VRK2: variants seen among roughly 807,000 people sequenced by gnomAD.
VRK2 encodes the protein serine/threonine-protein kinase VRK2.
A neutral mutation model predicts 57.6 loss-of-function variants in VRK2; 60 were observed. The ratio of observed to expected loss-of-function variants is 1.04; its 90% confidence interval spans 0.85 to 1.29. The LOEUF is 1.29. VRK2 is among the 50% of genes most tolerant of loss of function. VRK2 has a pLI of 0.00. For synonymous variants in VRK2, 231 were observed against 199.2 expected, an observed-to-expected ratio of 1.16 and a Z score of -1.35; for missense variants, 705 against 588.1, an observed-to-expected ratio of 1.20 and a Z score of -2.06.
intron 1 of VRK2, among the ~76,000 whole-genome samples, chr2:57,946,512 CT>C (rs1671266506): frequency 6.6e-6 from 1 of 151,978 alleles, no homozygotes; most frequent in South Asian, 2.1e-4. Context: ...TTTAAAGAGT[CT>C]TTAAGATTAC....
Position 58,007,029 on chromosome 2 carries a change from TC to T in VRK2, c.-438-18632del, listed in dbSNP as rs563970212. On this transcript the variant is annotated intron_variant, in intron 1 of 15. Transcript: ENST00000417641. Reference sequence around the variant, plus strand: ...ATAATATTAATCTTTCTCTCAGCCTTCCCCAAAGACCTTTGGACTTTGACTG... The same window carrying T: ...ATAATATTAATCTTTCTCTCAGCCTTCCCAAAGACCTTTGGACTTTGACTG... Among the ~76,000 whole-genome samples the T allele has an allele frequency of 1.7e-4, 26 of 152,066 alleles. 1 individual carries two copies. In the South Asian group the frequency reaches 5.2e-3, roughly 30 times the overall value.
chr2:58,082,329 T>C (rs1671005809), intron 2 of VRK2, among the ~76,000 whole-genome samples: 1 of 150,448 alleles, frequency 6.6e-6, no homozygotes, highest in Non-Finnish European at 1.5e-5. Flanking sequence ...ACTCCCAATT[T>C]TCTTCTGTAC....
chr2:58,115,377 C>A (rs1473030585), intron 7 of VRK2, among the ~76,000 whole-genome samples: 2 of 151,978 alleles, frequency 1.3e-5, no homozygotes, highest in Non-Finnish European at 2.9e-5. Context: ...AGCTGGGGAG[C>A]AGAAAGTATA....
chr2:58,133,183 T>C (rs966813573), intron 9 of VRK2, among the ~76,000 whole-genome samples: 1 of 152,024 alleles, frequency 6.6e-6, no homozygotes, highest in Admixed American at 6.5e-5. Flanking sequence ...CATATACAGA[T>C]ACATTCATTA....
intron 1 of VRK2, among the ~76,000 whole-genome samples, chr2:57,909,602 G>T (rs1669925363): frequency 6.6e-6 from 1 of 152,112 alleles, no homozygotes; most frequent in Non-Finnish European, 1.5e-5. Flanking sequence ...TGAAATATTT[G>T]AGAAATAATT....
chr2:58,099,647 G>A (rs1673674018), intron 7 of VRK2, among the ~76,000 whole-genome samples: 1 of 151,982 alleles, frequency 6.6e-6, no homozygotes, highest in Non-Finnish European at 1.5e-5. Context: ...CAAAGAGGAT[G>A]GCCCTCACAG....
intron 2 of VRK2, among the ~76,000 whole-genome samples, chr2:58,068,086 C>T (rs111529997): frequency 3.9e-5 from 6 of 152,046 alleles, no homozygotes; most frequent in South Asian, 2.1e-4. Flanking sequence ...TATGCTACGA[C>T]GCCCAGCTAA....
intron 12 of VRK2, among the ~76,000 whole-genome samples, chr2:58,149,691 G>C (rs1003736198): frequency 2.6e-5 from 4 of 151,488 alleles, no homozygotes; most frequent in Non-Finnish European, 5.9e-5. Context: ...CCTTTATCAG[G>C]CTGAGGAAAT....
chr2:57,970,156 TATAATC>T (rs1293007592), intron 1 of VRK2, among the ~76,000 whole-genome samples: 2 of 148,576 alleles, frequency 1.3e-5, no homozygotes, highest in African/African-American at 2.4e-5. Context: ...GATGTAAACA[TATAATC>T]ATATATTTTA....
At chr2:58,062,443 T>A (rs1257021932) in intron 2 of VRK2, among the ~76,000 whole-genome samples, 1 of 152,056 alleles carries the variant, frequency 6.6e-6, no homozygotes, top group Non-Finnish European at 1.5e-5. Context: ...TAGAAATAAT[T>A]AAGCTTAGTG....
At chr2:57,974,441 T>C (rs1672186851) in intron 1 of VRK2, among the ~76,000 whole-genome samples, 1 of 151,860 alleles carries the variant, frequency 6.6e-6, no homozygotes, top group African/African-American at 2.4e-5. Flanking sequence ...GTAAGATGTA[T>C]AGCAAAATCC....
At chr2:58,117,474 A>G (rs1676700470) in intron 7 of VRK2, among the ~76,000 whole-genome samples, 1 of 152,072 alleles carries the variant, frequency 6.6e-6, no homozygotes, top group African/African-American at 2.4e-5. Flanking sequence ...GAGAGGTCAC[A>G]TGGGTCTATA....
intron 1 of VRK2, among the ~76,000 whole-genome samples, chr2:57,972,895 T>A (rs1213958520): frequency 2.0e-5 from 3 of 151,928 alleles, no homozygotes; most frequent in Non-Finnish European, 4.4e-5. Flanking sequence ...CATATTTCCA[T>A]TGTGTACAAT....
rs1482425864 is a variant in VRK2, at chr2:57,990,576, T to C, written c.-438-35089T>C. Among the ~76,000 whole-genome samples, 15 of 152,192 alleles carry C rather than the reference T, an allele frequency of 9.9e-5. 1 individual carries two copies. Among genetic ancestry groups the C allele is most frequent in the Admixed American group, 9.8e-4 (15 of 15,284 alleles). ...CATCAGAAAACAGCCCTAAGCCTAATATTGAAGTAAATCTCACTCCAGTGT... is the reference window on the plus strand; with the variant it reads ...CATCAGAAAACAGCCCTAAGCCTAACATTGAAGTAAATCTCACTCCAGTGT... On this transcript the variant is annotated intron_variant, in intron 1 of 15. Transcript: ENST00000417641.
intron 1 of VRK2, among the ~76,000 whole-genome samples, chr2:57,991,387 A>G (rs1427404287): frequency 2.0e-5 from 3 of 152,124 alleles, no homozygotes; most frequent in African/African-American, 7.2e-5. Context: ...AAAAAGCGAA[A>G]AAGTGGTAAC....
At chr2:58,106,313 C>G (rs1674742774) in intron 7 of VRK2, among the ~76,000 whole-genome samples, 1 of 151,892 alleles carries the variant, frequency 6.6e-6, no homozygotes, top group Admixed American at 6.6e-5. Flanking sequence ...GAATTTTCCC[C>G]AGAAGTCTGG....
At chr2:57,942,451 G>A (rs1011037943) in intron 1 of VRK2, among the ~76,000 whole-genome samples, 2 of 152,122 alleles carry the variant, frequency 1.3e-5, no homozygotes, top group Non-Finnish European at 2.9e-5. Flanking sequence ...TTTTGCATAT[G>A]TAAGTAGGTC....
intron 3 of VRK2, among the ~76,000 whole-genome samples, chr2:58,084,637 C>T (rs535415828): frequency 6.6e-6 from 1 of 151,936 alleles, no homozygotes; most frequent in South Asian, 2.1e-4. Flanking sequence ...TGTAAGAAAA[C>T]TACTTTTATG....
chr2:57,973,398 T>C (rs578116866), intron 1 of VRK2, among the ~76,000 whole-genome samples: 57 of 152,044 alleles, frequency 3.7e-4, no homozygotes, highest in African/African-American at 1.3e-3. Flanking sequence ...AAACAGATTA[T>C]AATACATAAG....
Sources: gnomAD v4.1 joint callset for allele counts (sites outside exome capture counted in the v4.1 genomes callset) on GRCh38, gnomAD v4.1.1 for gene constraint, MANE v1.5 for transcripts, NCBI Gene and HGNC (gene_info 2026-07-23, HGNC 2026-07-21) for gene names.